VPS13D: variants seen among roughly 807,000 people sequenced by gnomAD.
The protein encoded by VPS13D is intermembrane lipid transfer protein VPS13D.
A neutral mutation model predicts 461.9 loss-of-function variants in VPS13D; 187 were observed. The observed-to-expected ratio is 0.40, with a 90% CI of 0.36 to 0.46. The LOEUF (loss-of-function observed/expected upper bound fraction) is 0.46, where lower values mean the gene tolerates loss of function less well. VPS13D is among the 20% of genes least tolerant of loss of function. The pLI, the probability that VPS13D is intolerant of heterozygous loss-of-function variation, is 0.60. For synonymous variants in VPS13D, 1,951 were observed against 1,986.3 expected, an observed-to-expected ratio of 0.98 and a Z score of 0.47; for missense variants, 4,711 against 5,364.9, an observed-to-expected ratio of 0.88 and a Z score of 3.81.
chr1:12,432,136 G>A (rs979680402), intron 65 of VPS13D, among the ~76,000 whole-genome samples: 1 of 152,312 alleles, frequency 6.6e-6, no homozygotes, highest in Admixed American at 6.5e-5. Flanking sequence ...GCTTACACCT[G>A]TAATCCCAGC....
At chr1:12,372,478 T>G (rs755916468) in intron 54 of VPS13D, among the ~76,000 whole-genome samples, 5 of 152,214 alleles carry the variant, frequency 3.3e-5, no homozygotes, top group Non-Finnish European at 7.3e-5. Flanking sequence ...TATGCGTCTT[T>G]TCATGTGCTT....
intron 60 of VPS13D, among the ~76,000 whole-genome samples, chr1:12,387,837 T>C (rs1042024608): frequency 6.6e-6 from 1 of 152,202 alleles, no homozygotes; most frequent in Non-Finnish European, 1.5e-5. Flanking sequence ...AAAGACATGC[T>C]ATGTGCCAAG....
intron 49 of VPS13D, 141 bp downstream of exon 49, chr1:12,356,665 A>G: frequency 8.9e-7 from 1 of 1,126,156 alleles, no homozygotes; most frequent in East Asian, 2.8e-5. Flanking sequence ...ACCATGACCT[A>G]ATGGGATTTT....
chr1:12,410,866 A>G (rs1005504205), intron 63 of VPS13D, among the ~76,000 whole-genome samples: 5 of 152,240 alleles, frequency 3.3e-5, no homozygotes, highest in Non-Finnish European at 7.3e-5. Context: ...GATAAAATAG[A>G]ATATGATTAT....
intron 67 of VPS13D, among the ~76,000 whole-genome samples, chr1:12,484,804 T>C (rs1022354710): frequency 6.6e-6 from 1 of 152,210 alleles, no homozygotes; most frequent in African/African-American, 2.4e-5. Context: ...CTCGGAGGGT[T>C]ACATGCTCCT....
At position 12,276,352 on chromosome 1, in the gene VPS13D, G is replaced by A. The variant is rs199543312; in HGVS notation, c.2764G>A (p.Glu922Lys). The change falls in exon 19 of 70, where the codon GAG becomes AAG. Residue 922 changes from glutamate to lysine, a missense_variant. By Grantham distance (56) the Glu-to-Lys change is moderately conservative. Around this residue, in one of 3 missense-constraint regions of VPS13D, gnomAD observed 4,411 missense variants for 4,937.8 expected, o/e 0.89. Transcript: ENST00000620676. This position sits in a 1 kb window ranked among gnomAD's most constrained non-coding sequence, Gnocchi z 4.5. ...TAAAGAAAAGATTTTTCCCCAGGAG[G>A]AGCAGCGGGGAAGTTTGCAAGACTC... ...QIKEKIFPQE[E>K]QRGSLQDSVM... 11 of 1,614,170 alleles carry A rather than the reference G, an allele frequency of 6.8e-6. No homozygotes were observed. In the East Asian group the frequency reaches 2.2e-4, roughly 33 times the overall value.
chr1:12,306,748 A>G (rs745931498), intron 26 of VPS13D, among the ~76,000 whole-genome samples: 4 of 152,074 alleles, frequency 2.6e-5, no homozygotes, highest in East Asian at 1.9e-4. Flanking sequence ...ATGGAAGACA[A>G]TTTTTCCACA....
chr1:12,468,591 T>A (rs1355172131), intron 67 of VPS13D, among the ~76,000 whole-genome samples: 1 of 152,230 alleles, frequency 6.6e-6, no homozygotes, highest in Non-Finnish European at 1.5e-5. Flanking sequence ...GGTGTTATAA[T>A]TCACCCGTGG....
At chr1:12,231,934 G>GCCGAGAT (rs912999125) in intron 1 of VPS13D, among the ~76,000 whole-genome samples, 3 of 152,170 alleles carry the variant, frequency 2.0e-5, no homozygotes, top group African/African-American at 4.8e-5. Context: ...GTTGCAGTGA[G>GCCGAGAT]CCGAGATCCG....
intron 18 of VPS13D, among the ~76,000 whole-genome samples, chr1:12,274,085 G>T (rs974030381): frequency 6.6e-6 from 1 of 152,136 alleles, no homozygotes; most frequent in African/African-American, 2.4e-5. Flanking sequence ...CTGTCGCCCA[G>T]GCTGGAGTGT....
At chr1:12,274,881 C>T (rs983048972) in intron 18 of VPS13D, among the ~76,000 whole-genome samples, 8 of 151,852 alleles carry the variant, frequency 5.3e-5, no homozygotes, top group African/African-American at 1.7e-4. Context: ...GTCAGGAGTT[C>T]GAGGCCAGCC....
At chr1:12,234,135 T>C (rs1466890408) in intron 1 of VPS13D, 56 bp from the exon 2 acceptor site, 16 of 651,014 alleles carry the variant, frequency 2.5e-5, no homozygotes, top group African/African-American at 3.7e-5. Flanking sequence ...GAGGAGGAAA[T>C]TGGCTTAGAA....
At chr1:12,508,865 A>C (rs1646148375) in intron 69 of VPS13D, 28 bp from the exon 70 acceptor site, 1 of 1,608,626 alleles carries the variant, frequency 6.2e-7, no homozygotes, top group Non-Finnish European at 8.5e-7. Context: ...TCCTGGGGAC[A>C]GGTGACCCAT....
intron 12 of VPS13D, among the ~76,000 whole-genome samples, chr1:12,261,599 T>C (rs1464241822): frequency 6.6e-6 from 1 of 152,256 alleles, no homozygotes; most frequent in Non-Finnish European, 1.5e-5. Context: ...TAGTGGCCAC[T>C]GTACTGGATA....
chr1:12,313,944 C>T (rs1642824297), intron 29 of VPS13D, among the ~76,000 whole-genome samples, 171 bp from the exon 30 acceptor site: 1 of 152,188 alleles, frequency 6.6e-6, no homozygotes, highest in South Asian at 2.1e-4. Context: ...ACACTAACTC[C>T]ATTTTGAGGA....
chr1:12,336,234 G>T (rs1372167206), intron 39 of VPS13D: 3 of 185,280 alleles, frequency 1.6e-5, no homozygotes, highest in African/African-American at 7.1e-5. Flanking sequence ...TAGAGATAGA[G>T]GGTTTGGACA....
intron 61 of VPS13D, among the ~76,000 whole-genome samples, chr1:12,400,887 G>A (rs1056360531): frequency 6.6e-6 from 1 of 151,752 alleles, no homozygotes; most frequent in Non-Finnish European, 1.5e-5. Flanking sequence ...CTGGGAGTTC[G>A]AGGCTACAGC....
At chr1:12,270,644 T>TA (rs754796927) in intron 16 of VPS13D, among the ~76,000 whole-genome samples, 1 of 152,178 alleles carries the variant, frequency 6.6e-6, no homozygotes, top group African/African-American at 2.4e-5. Context: ...TCCATTCACT[T>TA]ACGCTTTTTT....
intron 49 of VPS13D, among the ~76,000 whole-genome samples, chr1:12,357,618 C>T (rs1376583083): frequency 1.3e-5 from 2 of 152,174 alleles, no homozygotes; most frequent in African/African-American, 4.8e-5. Context: ...AAGTTTACAT[C>T]GCTTGTTAGT....
Sources: allele counts gnomAD v4.1 joint callset (sites outside exome capture counted in the v4.1 genomes callset), GRCh38; gene constraint gnomAD v4.1.1; regional missense constraint gnomAD v4.1.1; non-coding constraint Gnocchi (gnomAD v3.1); transcripts MANE v1.5; gene names NCBI Gene and HGNC (gene_info 2026-07-23, HGNC 2026-07-21).